Variants in PRKCZ observed in about 807,000 individuals in gnomAD.
The protein encoded by PRKCZ is protein kinase C zeta type.
Under a neutral mutation model 79.5 loss-of-function variants are expected in PRKCZ, and 33 were observed. The observed-to-expected ratio is 0.41, with a 90% CI of 0.31 to 0.55. The LOEUF is 0.55. Ranked by LOEUF, PRKCZ falls within the 20% of genes least tolerant of loss-of-function variation. The pLI is 0.19. For synonymous variants in PRKCZ, 342 were observed against 320.9 expected (o/e 1.07, Z -0.70); for missense variants, 578 against 813.5 (o/e 0.71, Z 3.52).
intron 4 of PRKCZ, among the ~76,000 whole-genome samples, chr1:2,106,739 A>G (rs7349084): frequency 0.062 from 2,490 of 40,190 alleles, 336 homozygotes; most frequent in South Asian, 0.077. Flanking sequence ...CAGGCCAGGT[A>G]ACTCTCAGCA....
intron 4 of PRKCZ, among the ~76,000 whole-genome samples, chr1:2,085,247 T>G (rs1664279971): frequency 6.6e-6 from 1 of 152,168 alleles, no homozygotes; most frequent in South Asian, 2.1e-4. Context: ...CCGAGACACG[T>G]TGTACCATCC....
intron 4 of PRKCZ, among the ~76,000 whole-genome samples, chr1:2,078,666 A>T (rs1393548875): frequency 6.6e-6 from 1 of 152,030 alleles, no homozygotes; most frequent in Non-Finnish European, 1.5e-5. Context: ...GTTAACGCTG[A>T]TTATTTGTTG....
At chr1:2,169,222 C>T (rs1197522588) in intron 10 of PRKCZ, 3 of 488,706 alleles carry the variant, frequency 6.1e-6, no homozygotes, top group Non-Finnish European at 1.2e-5. Flanking sequence ...GGTGACGGGC[C>T]ACCTCCTTCA....
rs57869547 is a variant in PRKCZ at position 2,066,941 on chromosome 1, C to T, written c.334+7350C>T. ...AAATTTTCTCCTTAGCATTGCTTTC[C>T]CTGCATCCCTGAAATGTTGATATGT... On this transcript the variant is annotated intron_variant, in intron 4 of 17. Transcript: ENST00000378567. Among the ~76,000 whole-genome samples, 1,649 of 152,268 alleles carry T rather than the reference C, an allele frequency of 0.011. 137 individuals are homozygous for T. In the East Asian group the frequency reaches 0.21, roughly 19 times the overall value.
chr1:2,180,178 G>A (rs967250824), intron 16 of PRKCZ, among the ~76,000 whole-genome samples: 27 of 152,188 alleles, frequency 1.8e-4, no homozygotes, highest in Non-Finnish European at 2.1e-4. Flanking sequence ...CTGGCCACCC[G>A]CGAACCCCTC....
intron 4 of PRKCZ, among the ~76,000 whole-genome samples, chr1:2,068,252 AG>A (rs1661284971): frequency 6.6e-6 from 1 of 152,096 alleles, no homozygotes; most frequent in Admixed American, 6.6e-5. Flanking sequence ...GCCATGTGGG[AG>A]GGCCACTCTC....
intron 4 of PRKCZ, among the ~76,000 whole-genome samples, chr1:2,100,324 G>A (rs909571863): frequency 6.6e-6 from 1 of 152,202 alleles, no homozygotes; most frequent in Non-Finnish European, 1.5e-5. Flanking sequence ...CGTCTTCACC[G>A]CCTGGCTAAG....
chr1:2,136,214 G>A (rs1284260521), intron 5 of PRKCZ, among the ~76,000 whole-genome samples: 3 of 152,186 alleles, frequency 2.0e-5, no homozygotes, highest in African/African-American at 7.2e-5. Flanking sequence ...CTGCCCTCTA[G>A]ACCATCAGGA....
chr1:2,059,455 G>A, intron 3 of PRKCZ, 86 bp from the exon 4 acceptor site: 3 of 1,529,684 alleles, frequency 2.0e-6, no homozygotes, highest in African/African-American at 1.4e-5. Context: ...CACGTGCTCA[G>A]CCTGACTGAG....
intron 4 of PRKCZ, among the ~76,000 whole-genome samples, chr1:2,118,277 G>T (rs1671144900): frequency 6.6e-6 from 1 of 151,194 alleles, no homozygotes; most frequent in Non-Finnish European, 1.5e-5. Context: ...GATTACAGGT[G>T]TGAGCCACCA....
chr1:2,092,357 A>G (rs2459993), intron 4 of PRKCZ, among the ~76,000 whole-genome samples: 74,997 of 151,812 alleles, frequency 0.49, 22,658 homozygotes, highest in East Asian at 0.95. Context: ...ACGGAGTCCG[A>G]CGTTCCCGCC....
chr1:2,059,295 C>T (rs967320092), intron 3 of PRKCZ, among the ~76,000 whole-genome samples: 2 of 152,234 alleles, frequency 1.3e-5, no homozygotes, highest in African/African-American at 4.8e-5. Context: ...CCTCTGATGG[C>T]TTTGCTGTCC....
At chr1:2,052,299 G>A (rs371392321) in intron 1 of PRKCZ, among the ~76,000 whole-genome samples, 60 of 152,102 alleles carry the variant, frequency 3.9e-4, no homozygotes, top group African/African-American at 1.4e-3. Flanking sequence ...TTGGCCCCTG[G>A]GAGCACTTTG....
In PRKCZ at chr1:2,168,629, G is replaced by A. The variant is rs927067066; in HGVS notation, c.975-889G>A. ...TTGTGGAGGGCAGGAGCAGGGACAG[G>A]TGCCTTGAGGCGTAACAGTGGCGGT... is the stretch of plus-strand genomic sequence containing the variant. On this transcript the variant is annotated intron_variant, in intron 10 of 17. Transcript: ENST00000378567. This position sits in a 1 kb window ranked among gnomAD's most constrained non-coding sequence, Gnocchi z 4.7. Among the ~76,000 whole-genome samples, 1 of 152,136 alleles carries A rather than the reference G, an allele frequency of 6.6e-6. No individual in the cohort carries two copies. Among genetic ancestry groups the A allele is most frequent in the Non-Finnish European group, 1.5e-5 (1 of 68,034 alleles).
chr1:2,132,925 AC>A (rs1338742641), intron 4 of PRKCZ, among the ~76,000 whole-genome samples: 1 of 152,012 alleles, frequency 6.6e-6, no homozygotes, highest in Non-Finnish European at 1.5e-5. Flanking sequence ...AGGCGTGGGG[AC>A]CCCATCTCCA....
rs13302898 is a variant in PRKCZ, at chr1:2,071,063, C to T, written c.334+11472C>T. ...GGAGCAGCCAGTACACCTGGGCGTG[C>T]GACCTGGGCAATGCGGGGGCCGATT... On this transcript the variant is annotated intron_variant, in intron 4 of 17. Coordinates refer to ENST00000378567, the MANE Select transcript of PRKCZ (RefSeq NM_002744.6). 7.0e-3 allele frequency among the ~76,000 whole-genome samples: 511 copies of T among 72,866 alleles called. 22 individuals carry two copies. In the East Asian group the frequency reaches 0.43, roughly 62 times the overall value. The allele number at this position is 72,866 out of a possible 152,430, so 47.8% of individuals were successfully genotyped here.
At position 2,169,643 on chromosome 1, in the gene PRKCZ, AGTTGGGGATGGGTGGGTGCGTGCGGT is replaced by A. The variant is rs758835596; in HGVS notation, c.1061+47_1061+72del. ...GACGGGGCCGGGTGGGTGCGCCCGG[AGTTGGGGATGGGTGGGTGCGTGCGGT>A]GTTGGGGGGCTGGGTGGGTGCGCAC... On this transcript the variant is annotated intron_variant, in intron 11 of 17. Coordinates refer to ENST00000378567, the MANE Select transcript of PRKCZ (RefSeq NM_002744.6). The A allele has an allele frequency of 1.7e-5, 13 of 748,234 alleles. No individual in the cohort carries two copies. The South Asian group carries it at 2.3e-4, about 13-fold the overall frequency. 46.3% of individuals were successfully genotyped at this position (748,234 alleles called of 1,614,324 possible).
rs1011805769 is a variant in PRKCZ, at chr1:2,165,214, A to G, written c.975-4304A>G. On this transcript the variant is annotated intron_variant, in intron 10 of 17. Transcript: ENST00000378567. The surrounding 1 kb of genome is among the most constrained non-coding windows in gnomAD (Gnocchi z 4.1). ...CTGCTGGTGTCTTCCTCAGAGCTTTAATGTCCGTCCTGCTCTCCGAGTCAG... is the reference window on the plus strand; with the variant it reads ...CTGCTGGTGTCTTCCTCAGAGCTTTGATGTCCGTCCTGCTCTCCGAGTCAG... 2.0e-5 allele frequency among the ~76,000 whole-genome samples: 3 copies of G among 152,104 alleles called. No individual in the cohort carries two copies. The highest frequency in any genetic ancestry group is 7.2e-5 in the African/African-American group (3 of 41,416).
intron 3 of PRKCZ, among the ~76,000 whole-genome samples, chr1:2,057,340 G>GCT (rs1451593766): frequency 6.6e-6 from 1 of 152,212 alleles, no homozygotes; most frequent in African/African-American, 2.4e-5. Flanking sequence ...TCTGGGGCCT[G>GCT]GGAATGTGGT....
Sources: gnomAD v4.1 joint callset for allele counts (sites outside exome capture counted in the v4.1 genomes callset) on GRCh38, gnomAD v4.1.1 for gene constraint, Gnocchi (gnomAD v3.1) non-coding constraint, MANE v1.5 for transcripts, NCBI Gene and HGNC (gene_info 2026-07-23, HGNC 2026-07-21) for gene names.